Variants in ARAP1 observed in about 807,000 individuals in gnomAD.
The protein encoded by ARAP1 is ArfGAP with RhoGAP domain, ankyrin repeat and PH domain 1.
Under a neutral mutation model 172.2 loss-of-function variants are expected in ARAP1, and 76 were observed. That is an observed-to-expected ratio of 0.44 (90% CI 0.37 to 0.53). The LOEUF (loss-of-function observed/expected upper bound fraction) is 0.53, where lower values mean the gene tolerates loss of function less well. ARAP1 is among the 20% of genes least tolerant of loss of function. The pLI is 0.00. For synonymous variants in ARAP1, 804 were observed against 803.3 expected, an observed-to-expected ratio of 1.00 and a Z score of -0.01; for missense variants, 1,686 against 1,977.5, an observed-to-expected ratio of 0.85 and a Z score of 2.80.
chr11:72,696,032 A>T (rs1463616994), intron 23 of ARAP1, among the ~76,000 whole-genome samples, 167 bp from the exon 24 acceptor site: 1 of 152,170 alleles, frequency 6.6e-6, no homozygotes, highest in African/African-American at 2.4e-5. Context: ...TAGGAGCAGG[A>T]CTGGGAAGCT....
intron 3 of ARAP1, among the ~76,000 whole-genome samples, chr11:72,721,526 C>T (rs1379192497): frequency 6.6e-6 from 1 of 152,136 alleles, no homozygotes; most frequent in Non-Finnish European, 1.5e-5. Context: ...GAGGAGTATT[C>T]TGTGGGGCAG....
chr11:72,726,579 C>T lies in ARAP1; in HGVS notation c.509+41G>A, dbSNP rs1857698192. 55 of 1,460,150 alleles carry T rather than the reference C, an allele frequency of 3.8e-5. No individual in the cohort carries two copies. The East Asian group carries it at 1.4e-3, about 36-fold the overall frequency. 90.4% of individuals were successfully genotyped at this position (1,460,150 alleles called of 1,614,324 possible). A position where few individuals can be genotyped will look rare whatever the true frequency, so the allele number is the denominator to read the frequency against. On this transcript the variant is annotated intron_variant, in intron 3 of 34. Coordinates refer to ENST00000393609, the MANE Select transcript of ARAP1 (RefSeq NM_001040118.3). This position sits in a 1 kb window ranked among gnomAD's most constrained non-coding sequence, Gnocchi z 6.5. ...AACTCCCCATCTACCCTCTGGGATC[C>T]TCTGCCTGTGCGCCTCCCACCCTGG...
Position 72,712,516 on chromosome 11 carries a change from A to G in ARAP1, c.800T>C (p.Leu267Pro), listed in dbSNP as rs755898061. 1.2e-6 allele frequency: 2 copies of G among 1,613,514 alleles called. No homozygotes were observed. Among genetic ancestry groups the G allele is most frequent in the Non-Finnish European group, 1.7e-6 (2 of 1,179,822 alleles). The part of the protein sequence containing the change: ...VPRAVRVASL[L>P]SEGEELSGDD... ...CCCAGACAGTTCCTCTCCCTCGCTC[A>G]GCAGACTGGCCACGCGCACGGCCCG... The change falls in exon 6 of 35, where the codon CTG becomes CCG. Residue 267 changes from leucine (L) to proline (P), a missense_variant. Coordinates refer to ENST00000393609, the MANE Select transcript of ARAP1 (RefSeq NM_001040118.3).
chr11:72,696,619 G>T lies in ARAP1; in HGVS notation c.3202C>A (p.Arg1068=). Residue 1068 remains arginine (R), a synonymous_variant, in exon 23 of 35, where the codon CGA becomes AGA. Coordinates refer to ENST00000393609, the MANE Select transcript of ARAP1 (RefSeq NM_001040118.3). ...GGGGGCAGCCGCACCAGCAGCTCTC[G>T]GTACCTGGAGACCTTCTCCTCCTCG... is the stretch of plus-strand genomic sequence containing the variant. ...EDEEEKVSRY[R]ELLVRLPPVN... 2 of 1,605,344 alleles carry T rather than the reference G, an allele frequency of 1.2e-6. No individual in the cohort carries two copies. Among genetic ancestry groups the T allele is most frequent in the South Asian group, 1.1e-5 (1 of 90,440 alleles).
rs763561382 is a variant in ARAP1, at chr11:72,701,600, G to A, written c.2302+49C>T. The A allele has an allele frequency of 9.5e-6, 15 of 1,584,658 alleles. No homozygotes were observed. The African/African-American group carries it at 1.3e-4, about 14-fold the overall frequency. ...CAGCCCTGGCTTCCCTAGCCCTGCAGCCGTGACCAGATGCCATGGGCTAAA... is the reference window on the plus strand; with the variant it reads ...CAGCCCTGGCTTCCCTAGCCCTGCAACCGTGACCAGATGCCATGGGCTAAA... On this transcript the variant is annotated intron_variant, in intron 16 of 34. Transcript: ENST00000393609.
rs887969557 is a variant in ARAP1 at position 72,741,295 on chromosome 11, A to C, written c.-127-8698T>G. On this transcript the variant is annotated intron_variant, in intron 1 of 34. Coordinates refer to ENST00000393609, the MANE Select transcript of ARAP1 (RefSeq NM_001040118.3). The surrounding 1 kb of genome is among the most constrained non-coding windows in gnomAD (Gnocchi z 4.5). ...CTAGCCCACCGGGCTCATCTAATAC[A>C]TGGCATAGCTCCTGACCCCAACCCT... Among the ~76,000 whole-genome samples, 2 of 151,690 alleles carry C rather than the reference A, an allele frequency of 1.3e-5. No individual in the cohort carries two copies. Among genetic ancestry groups the C allele is most frequent in the Non-Finnish European group, 2.9e-5 (2 of 67,936 alleles).
chr11:72,714,611 G>T (rs1857195558), intron 3 of ARAP1, among the ~76,000 whole-genome samples: 1 of 152,196 alleles, frequency 6.6e-6, no homozygotes, highest in Non-Finnish European at 1.5e-5. Context: ...CACACTGAAG[G>T]AGGGATAAAG....
intron 12 of ARAP1, among the ~76,000 whole-genome samples, chr11:72,706,235 TC>T (rs1204425645): frequency 6.6e-6 from 1 of 152,136 alleles, no homozygotes; most frequent in Non-Finnish European, 1.5e-5. Flanking sequence ...CTCCAGTGGC[TC>T]CCAGAATTAG....
At chr11:72,685,729 G>C in intron 34 of ARAP1, 48 bp from the exon 35 acceptor site, 1 of 1,612,746 alleles carries the variant, frequency 6.2e-7, no homozygotes, top group Non-Finnish European at 8.5e-7. Context: ...GGCCCAGAGG[G>C]GCTGGCGCCC....
Position 72,701,752 on chromosome 11 carries a change from C to T in ARAP1, c.2199G>A (p.Leu733=). 1 of 1,613,896 alleles carries T rather than the reference C, an allele frequency of 6.2e-7. No homozygotes were observed. The highest frequency in any genetic ancestry group is 8.5e-7 in the Non-Finnish European group (1 of 1,179,854). ...EVPRLDSMKP[L]EKHYSVVLPT... ...GCAGGACAACTGAGTAGTGCTTTTC[C>T]AGGGGCTTCATCGAGTCCAGCCGAG... The change falls in exon 16 of 35, where the codon CTG becomes CTA. Residue 733 remains leucine (L), a synonymous_variant. Coordinates refer to ENST00000393609, the MANE Select transcript of ARAP1 (RefSeq NM_001040118.3).
Position 72,710,572 on chromosome 11 carries a change from C to T in ARAP1, c.1229G>A (p.Trp410Ter). Residue 410 changes from tryptophan to a stop codon, truncating the protein, a stop_gained, in exon 10 of 35, where the codon TGG becomes TAG. Coordinates refer to ENST00000393609, the MANE Select transcript of ARAP1 (RefSeq NM_001040118.3). LOFTEE classifies it high-confidence loss of function. The surrounding 1 kb of genome is among the most constrained non-coding windows in gnomAD (Gnocchi z 4.3). The part of the protein sequence containing the change: ...RAESDVERKE[W>*]MQALQQAMAE... ...CATGGCCTGCTGCAGGGCCTGCATCCACTCCTTCCGCTCCACTGCAGGAGA... is the reference window on the plus strand; with the variant it reads ...CATGGCCTGCTGCAGGGCCTGCATCTACTCCTTCCGCTCCACTGCAGGAGA... 1 of 1,608,180 alleles carries T rather than the reference C, an allele frequency of 6.2e-7. No individual in the cohort carries two copies. Among genetic ancestry groups the T allele is most frequent in the Non-Finnish European group, 8.5e-7 (1 of 1,179,544 alleles).
chr11:72,696,475 G>GTA, intron 23 of ARAP1, 74 bp downstream of exon 23: 3 of 1,239,868 alleles, frequency 2.4e-6, no homozygotes, highest in Non-Finnish European at 3.3e-6. Flanking sequence ...CCAGAGGAGG[G>GTA]TAGTCAGCCA....
intron 30 of ARAP1, among the ~76,000 whole-genome samples, chr11:72,690,460 G>A (rs192912220): frequency 8.3e-4 from 127 of 152,292 alleles, no homozygotes; most frequent in African/African-American, 2.9e-3. Flanking sequence ...TGCAATCTCA[G>A]CTCACTGCAA....
intron 18 of ARAP1, among the ~76,000 whole-genome samples, chr11:72,698,688 G>A (rs948608998): frequency 6.6e-6 from 1 of 152,140 alleles, no homozygotes; most frequent in African/African-American, 2.4e-5. Context: ...CAGGAACGAG[G>A]AGCACACCCC....
chr11:72,691,135 A>G (rs1359219234), intron 30 of ARAP1, among the ~76,000 whole-genome samples: 1 of 152,216 alleles, frequency 6.6e-6, no homozygotes, highest in Non-Finnish European at 1.5e-5. Context: ...ACCTGGGTGC[A>G]AGTCCCAGTC....
At chr11:72,729,991 C>T (rs985458968) in intron 2 of ARAP1, among the ~76,000 whole-genome samples, 3 of 151,034 alleles carry the variant, frequency 2.0e-5, no homozygotes, top group Non-Finnish European at 4.4e-5. Flanking sequence ...GTCCAGAAGG[C>T]ACACAGAAAA....
intron 1 of ARAP1, among the ~76,000 whole-genome samples, chr11:72,748,317 C>T (rs565840966): frequency 6.6e-6 from 1 of 152,154 alleles, no homozygotes; most frequent in African/African-American, 2.4e-5. Flanking sequence ...GTCAGGAGTT[C>T]AAGATCATCC....
Position 72,699,880 on chromosome 11 carries a change from T to A in ARAP1, c.2303-328A>T, listed in dbSNP as rs561365878. The A allele has an allele frequency of 2.7e-6, 1 of 369,356 alleles. No homozygotes were observed. The allele number at this position is 369,356 out of a possible 1,614,324, so 22.9% of individuals were successfully genotyped here. A position where few individuals can be genotyped will look rare whatever the true frequency, so the allele number is the denominator to read the frequency against. On this transcript the variant is annotated intron_variant, in intron 16 of 34. Transcript: ENST00000393609. The surrounding 1 kb of genome is among the most constrained non-coding windows in gnomAD (Gnocchi z 4.2). ...GCCTGCCATTCAAGGCCCTGCCAGG[T>A]CTACCCCTGCCCGTCTCTCCAGCTG...
chr11:72,695,182 C>T lies in ARAP1; in HGVS notation c.3577-85G>A. The T allele has an allele frequency of 6.8e-7, 1 of 1,463,562 alleles. No homozygotes were observed. Among genetic ancestry groups the T allele is most frequent in the African/African-American group, 1.4e-5 (1 of 71,974 alleles). 90.7% of individuals were successfully genotyped at this position (1,463,562 alleles called of 1,614,324 possible). ...TTGCTATGTGACTCAGAGCCTGAGC[C>T]CATCCTTCTCAGGCCCTTCTGGAGT... On this transcript the variant is annotated intron_variant, in intron 26 of 34. Transcript: ENST00000393609. The surrounding 1 kb of genome is among the most constrained non-coding windows in gnomAD (Gnocchi z 4.4).
Sources: gnomAD v4.1 joint callset for allele counts (sites outside exome capture counted in the v4.1 genomes callset) on GRCh38, gnomAD v4.1.1 for gene constraint, Gnocchi (gnomAD v3.1) non-coding constraint, MANE v1.5 for transcripts, NCBI Gene and HGNC (gene_info 2026-07-23, HGNC 2026-07-21) for gene names.